The following SCAPER variants were observed in gnomAD, a reference collection of about 807,000 sequenced individuals.
SCAPER encodes S-phase cyclin A associated protein in the ER.
In SCAPER, 98 loss-of-function variants were observed where a neutral mutation model predicts 182.2. That is an observed-to-expected ratio of 0.54 (90% confidence interval 0.46 to 0.64). The LOEUF is 0.64. SCAPER is among the 30% of genes least tolerant of loss of function. The pLI, the probability that SCAPER is intolerant of heterozygous loss-of-function variation, is 0.00. For missense variants in SCAPER, 1,432 were observed against 1,690.0 expected (o/e 0.85, Z 2.68); for synonymous variants, 605 against 564.6 (o/e 1.07, Z -1.01).
At chr15:76,488,627 T>C (rs1415880215) in intron 24 of SCAPER, among the ~76,000 whole-genome samples, 1 of 151,760 alleles carries the variant, frequency 6.6e-6, no homozygotes. Flanking sequence ...GTCTGAAGCT[T>C]GTTCTCTAGT....
intron 25 of SCAPER, 38 bp downstream of exon 25, chr15:76,471,174 C>A (rs770905228): frequency 2.0e-6 from 3 of 1,516,302 alleles, no homozygotes; most frequent in Non-Finnish European, 2.7e-6. Context: ...TTTCTCAAAC[C>A]TTAACTGCTT....
intron 21 of SCAPER, among the ~76,000 whole-genome samples, chr15:76,653,144 G>A (rs2055316700): frequency 6.6e-6 from 1 of 151,892 alleles, no homozygotes; most frequent in African/African-American, 2.4e-5. Flanking sequence ...AAATACCTAA[G>A]AATATAGCTG....
At chr15:76,771,697 C>T (rs761412160) in intron 10 of SCAPER, 45 bp downstream of exon 10, 9 of 1,442,610 alleles carry the variant, frequency 6.2e-6, no homozygotes, top group Non-Finnish European at 8.8e-6. Flanking sequence ...CTTAAATATA[C>T]TCAGAATTCT....
chr15:76,455,371 T>C (rs372918839), intron 25 of SCAPER, among the ~76,000 whole-genome samples: 2 of 152,260 alleles, frequency 1.3e-5, no homozygotes, highest in East Asian at 1.9e-4. Context: ...AATGTATATA[T>C]GGATCTTTAT....
At chr15:76,440,168 T>C (rs1368649773) in intron 25 of SCAPER, among the ~76,000 whole-genome samples, 2 of 152,194 alleles carry the variant, frequency 1.3e-5, no homozygotes, top group African/African-American at 4.8e-5. Context: ...AGAAAAAGAC[T>C]TCCTTGAGGA....
At chr15:76,492,606 A>G (rs969241798) in intron 24 of SCAPER, among the ~76,000 whole-genome samples, 1 of 152,198 alleles carries the variant, frequency 6.6e-6, no homozygotes, top group Non-Finnish European at 1.5e-5. Flanking sequence ...ATATGGAAAT[A>G]TTTTTAATGT....
At chr15:76,490,508 TG>T (rs2052188619) in intron 24 of SCAPER, among the ~76,000 whole-genome samples, 1 of 152,224 alleles carries the variant, frequency 6.6e-6, no homozygotes. Context: ...TTAATATTTT[TG>T]TTGAGTTGTA....
At chr15:76,649,328 G>C (rs2054818743) in intron 21 of SCAPER, among the ~76,000 whole-genome samples, 1 of 151,976 alleles carries the variant, frequency 6.6e-6, no homozygotes, top group South Asian at 2.1e-4. Context: ...CACTCAGGAG[G>C]CTGGGATGGG....
intron 26 of SCAPER, among the ~76,000 whole-genome samples, chr15:76,412,202 G>A (rs1433286987): frequency 6.6e-6 from 1 of 152,152 alleles, no homozygotes; most frequent in Non-Finnish European, 1.5e-5. Flanking sequence ...ACGAGAGGTT[G>A]CTAGAGGTTG....
At chr15:76,843,712 C>T (rs930671174) in intron 4 of SCAPER, among the ~76,000 whole-genome samples, 4 of 152,034 alleles carry the variant, frequency 2.6e-5, no homozygotes, top group African/African-American at 9.7e-5. Context: ...GTCCTAACCA[C>T]TCAGGAGACT....
At chr15:76,364,640 T>A (rs772503380) in intron 29 of SCAPER, among the ~76,000 whole-genome samples, 90 of 152,244 alleles carry the variant, frequency 5.9e-4, no homozygotes, top group Non-Finnish European at 1.0e-3. Context: ...GCTTTTCCCC[T>A]CCTCAAACAT....
intron 25 of SCAPER, among the ~76,000 whole-genome samples, chr15:76,444,619 T>C (rs1596654082): frequency 2.6e-5 from 4 of 152,228 alleles, no homozygotes; most frequent in Non-Finnish European, 2.9e-5. Flanking sequence ...CCCACACATT[T>C]ACATCTTTTG....
At chr15:76,562,148 C>CAAAA (rs66722088) in intron 23 of SCAPER, among the ~76,000 whole-genome samples, 2,350 of 73,610 alleles carry the variant, frequency 0.032, 71 homozygotes, top group East Asian at 0.15. Flanking sequence ...AACTTCATCT[C>CAAAA]AAAAAAAAAA....
intron 24 of SCAPER, among the ~76,000 whole-genome samples, chr15:76,491,577 A>G (rs1438723626): frequency 6.6e-6 from 1 of 152,108 alleles, no homozygotes. Context: ...CAAGTAGTAT[A>G]TGTAGTTCCA....
intron 17 of SCAPER, among the ~76,000 whole-genome samples, chr15:76,722,695 A>G (rs989998842): frequency 6.6e-6 from 1 of 151,930 alleles, no homozygotes; most frequent in African/African-American, 2.4e-5. Context: ...TTTCTTCTAG[A>G]TTTTCTAGTT....
intron 23 of SCAPER, among the ~76,000 whole-genome samples, chr15:76,510,862 CGCGT>C (rs1035481317): frequency 8.6e-6 from 1 of 116,462 alleles, no homozygotes; most frequent in Non-Finnish European, 1.7e-5. Flanking sequence ...AACTGGTGCG[CGCGT>C]GTGTGTGTGT....
chr15:76,892,572 G>A (rs2074224545), intron 1 of SCAPER, among the ~76,000 whole-genome samples: 1 of 152,184 alleles, frequency 6.6e-6, no homozygotes, highest in Non-Finnish European at 1.5e-5. Context: ...ATGAAGAAAT[G>A]CTCACCATCA....
At chr15:76,689,843 A>T (rs2058252493) in intron 20 of SCAPER, among the ~76,000 whole-genome samples, 1 of 152,072 alleles carries the variant, frequency 6.6e-6, no homozygotes, top group Non-Finnish European at 1.5e-5. Flanking sequence ...AAGACACAAA[A>T]ACTAACTGAA....
intron 25 of SCAPER, among the ~76,000 whole-genome samples, chr15:76,456,007 T>A (rs1262703809): frequency 6.6e-6 from 1 of 152,242 alleles, no homozygotes; most frequent in Admixed American, 6.5e-5. Context: ...CAGAATTCTG[T>A]TTTATGGCTG....
Sources: gnomAD v4.1 joint callset for allele counts (sites outside exome capture counted in the v4.1 genomes callset) on GRCh38, gnomAD v4.1.1 for gene constraint, MANE v1.5 for transcripts, NCBI Gene and HGNC (gene_info 2026-07-23, HGNC 2026-07-21) for gene names.